The following SLC2A13 variants were observed in gnomAD, a reference collection of about 807,000 sequenced individuals.
SLC2A13 encodes the protein solute carrier family 2 member 13.
Under a neutral mutation model 64.4 loss-of-function variants are expected in SLC2A13, and 32 were observed. That is an observed-to-expected ratio of 0.50 (90% CI 0.37 to 0.67). SLC2A13 has a LOEUF of 0.67. Ranked by LOEUF, SLC2A13 falls within the 30% of genes least tolerant of loss-of-function variation. The probability of loss-of-function intolerance (pLI) is 0.00; values close to 1 mark genes in which losing one functional copy is unlikely to be tolerated. For missense variants in SLC2A13, 743 were observed against 829.2 expected (o/e 0.90, Z 1.28); for synonymous variants, 338 against 327.1 (o/e 1.03, Z -0.36).
chr12:39,833,708 C>T (rs1355249337), intron 6 of SLC2A13, among the ~76,000 whole-genome samples: 1 of 151,906 alleles, frequency 6.6e-6, no homozygotes, highest in African/African-American at 2.4e-5. Flanking sequence ...TTTTCCTGTC[C>T]CCAATAATAG....
intron 3 of SLC2A13, among the ~76,000 whole-genome samples, chr12:39,968,760 GTA>G (rs56838055): frequency 1.6e-3 from 97 of 59,762 alleles, no homozygotes; most frequent in African/African-American, 3.5e-3. Context: ...TTTTTTTTTG[GTA>G]TATATATATA....
At position 39,801,357 on chromosome 12, in the gene SLC2A13, A is replaced by G. The variant is rs1373694997; in HGVS notation, c.1445+28746T>C. On this transcript the variant is annotated intron_variant, in intron 7 of 9. Transcript: ENST00000280871. ...AGGAAATTAAAAAAAAAAAAAAAAA[A>G]AAAGAAAGAACTGAAGTTGCTGTAG... is the stretch of plus-strand genomic sequence containing the variant. 4.6e-4 allele frequency among the ~76,000 whole-genome samples: 65 copies of G among 141,514 alleles called. No individual in the cohort carries two copies. In the South Asian group the frequency reaches 6.1e-3, roughly 13 times the overall value. The allele number at this position is 141,514 out of a possible 152,430, so 92.8% of individuals were successfully genotyped here.
At chr12:39,918,302 AT>A (rs1017064247) in intron 4 of SLC2A13, among the ~76,000 whole-genome samples, 17 of 151,554 alleles carry the variant, frequency 1.1e-4, no homozygotes, top group African/African-American at 4.1e-4. Context: ...ATGTAACTAA[AT>A]TTTTTTTGGG....
At chr12:39,797,550 T>G (rs1373086332) in intron 7 of SLC2A13, among the ~76,000 whole-genome samples, 1 of 152,186 alleles carries the variant, frequency 6.6e-6, no homozygotes, top group Non-Finnish European at 1.5e-5. Context: ...AATATTTTAG[T>G]CAATTTCACA....
rs73104971 is a variant in SLC2A13, at chr12:39,872,022, T to C, written c.1035-61A>G. 2.8e-3 allele frequency: 3,922 copies of C among 1,389,992 alleles called. 98 individuals are homozygous for C. In the African/African-American group the frequency reaches 0.048, roughly 17 times the overall value. 86.1% of individuals were successfully genotyped at this position (1,389,992 alleles called of 1,614,324 possible). A position where few individuals can be genotyped will look rare whatever the true frequency, so the allele number is the denominator to read the frequency against. ...GTTACCCAAAGAAACAGGGTTATTTTGATAGAAAAAGATGTATTCAATTTG... is the reference window on the plus strand; with the variant it reads ...GTTACCCAAAGAAACAGGGTTATTTCGATAGAAAAAGATGTATTCAATTTG... On this transcript the variant is annotated intron_variant, in intron 4 of 9. Transcript: ENST00000280871.
Position 40,066,098 on chromosome 12 carries a change from C to A in SLC2A13, c.557-17888G>T, listed in dbSNP as rs79823264. On this transcript the variant is annotated intron_variant, in intron 1 of 9. Transcript: ENST00000280871. ...CACATATTAAACAGAGCATCCTAAT[C>A]GAAGTAACTAAATGTAGAGGTTTGA... Among the ~76,000 whole-genome samples, 526 of 152,238 alleles carry A rather than the reference C, an allele frequency of 3.5e-3. 2 individuals carry two copies. Among genetic ancestry groups the A allele is most frequent in the African/African-American group, 0.012 (501 of 41,544 alleles).
At position 40,050,801 on chromosome 12, in the gene SLC2A13, G is replaced by T. The variant is rs530919370; in HGVS notation, c.557-2591C>A. Among the ~76,000 whole-genome samples, 68 of 152,242 alleles carry T rather than the reference G, an allele frequency of 4.5e-4. No individual in the cohort carries two copies. The South Asian group carries it at 8.1e-3, about 18-fold the overall frequency. On this transcript the variant is annotated intron_variant, in intron 1 of 9. Coordinates refer to ENST00000280871, the MANE Select transcript of SLC2A13 (RefSeq NM_052885.4). ...CTGGAACCAGTGGGTTTCAATTCCAGCCTTGCCACTTATCAGCTGGTTAAG... is the reference window on the plus strand; with the variant it reads ...CTGGAACCAGTGGGTTTCAATTCCATCCTTGCCACTTATCAGCTGGTTAAG...
chr12:39,796,776 G>T (rs1205410949), intron 7 of SLC2A13, among the ~76,000 whole-genome samples: 1 of 152,074 alleles, frequency 6.6e-6, no homozygotes, highest in Non-Finnish European at 1.5e-5. Context: ...TAAGAATGTA[G>T]CATCATTTAT....
intron 1 of SLC2A13, among the ~76,000 whole-genome samples, chr12:40,076,705 T>C: frequency 6.6e-6 from 1 of 152,154 alleles, no homozygotes; most frequent in Non-Finnish European, 1.5e-5. Flanking sequence ...TAGTTCTGTT[T>C]TACATTGAGA....
chr12:39,921,862 T>A (rs1018122283), intron 4 of SLC2A13, among the ~76,000 whole-genome samples: 2 of 152,122 alleles, frequency 1.3e-5, no homozygotes, highest in Non-Finnish European at 2.9e-5. Context: ...CTTTTCAGTA[T>A]GGTAAACCCA....
chr12:39,755,521 G>A lies in SLC2A13; in HGVS notation c.*4505C>T, dbSNP rs896217174. On this transcript the variant is annotated 3_prime_UTR_variant, in exon 10 of 10. Transcript: ENST00000280871. ...AAAGCTGCTAGGAGACAGTTTGGAC[G>A]TGTAGAATATAAATTTCTACTTTGG... 4.8e-4 allele frequency: 73 copies of A among 152,184 alleles called. 2 individuals are homozygous for A. Among genetic ancestry groups the A allele is most frequent in the Admixed American group, 4.0e-3 (61 of 15,236 alleles). The allele number at this position is 152,184 out of a possible 1,614,324, so 9.4% of individuals were successfully genotyped here.
intron 4 of SLC2A13, among the ~76,000 whole-genome samples, chr12:39,907,311 G>A (rs1232395542): frequency 6.6e-6 from 1 of 152,114 alleles, no homozygotes; most frequent in Non-Finnish European, 1.5e-5. Flanking sequence ...ATTCATAGAT[G>A]TAGTGAGCAA....
chr12:39,995,358 T>C (rs1023467664), intron 3 of SLC2A13, among the ~76,000 whole-genome samples: 2 of 152,190 alleles, frequency 1.3e-5, no homozygotes, highest in African/African-American at 4.8e-5. Flanking sequence ...ACCTCCCTAC[T>C]GTGCTATCAA....
At chr12:39,833,076 C>T (rs1374274402) in intron 6 of SLC2A13, among the ~76,000 whole-genome samples, 3 of 152,092 alleles carry the variant, frequency 2.0e-5, no homozygotes, top group Admixed American at 6.6e-5. Flanking sequence ...AAATTATTAT[C>T]ATCTATGACC....
At chr12:39,945,915 G>A (rs1036265513) in intron 4 of SLC2A13, among the ~76,000 whole-genome samples, 1 of 151,754 alleles carries the variant, frequency 6.6e-6, no homozygotes, top group Middle Eastern at 3.2e-3. Context: ...TTTTTGTGGG[G>A]GGGTGTTGAA....
At chr12:39,866,471 T>G (rs957128889) in intron 5 of SLC2A13, among the ~76,000 whole-genome samples, 1 of 152,188 alleles carries the variant, frequency 6.6e-6, no homozygotes, top group Admixed American at 6.5e-5. Context: ...TTAAATGTCA[T>G]AATGTATTTG....
chr12:39,998,904 G>A (rs1591992955), intron 3 of SLC2A13, among the ~76,000 whole-genome samples: 1 of 152,162 alleles, frequency 6.6e-6, no homozygotes, highest in East Asian at 1.9e-4. Context: ...GAGACCTGGT[G>A]AGAGAGCACT....
At chr12:39,760,275 C>T (rs778979561) in intron 9 of SLC2A13, 23 bp from the exon 10 acceptor site, 1 of 1,579,358 alleles carries the variant, frequency 6.3e-7, no homozygotes, top group Admixed American at 1.7e-5. Context: ...ATAATAGATA[C>T]ATGAATATGA....
At chr12:40,073,407 A>G (rs886649705) in intron 1 of SLC2A13, among the ~76,000 whole-genome samples, 1 of 152,164 alleles carries the variant, frequency 6.6e-6, no homozygotes, top group African/African-American at 2.4e-5. Flanking sequence ...AGACAAGCAC[A>G]CATAATCAAA....
Sources: allele counts gnomAD v4.1 joint callset (sites outside exome capture counted in the v4.1 genomes callset), GRCh38; gene constraint gnomAD v4.1.1; transcripts MANE v1.5; gene names NCBI Gene and HGNC (gene_info 2026-07-23, HGNC 2026-07-21).